LYPLAL1: variants seen among roughly 807,000 people sequenced by gnomAD.
LYPLAL1 encodes lysophospholipase like 1.
In LYPLAL1, 23 loss-of-function variants were observed where a neutral mutation model predicts 19.7. The observed-to-expected ratio is 1.17, with a 90% CI of 0.84 to 1.65. The LOEUF is 1.65. Ranked by LOEUF, LYPLAL1 falls within the 40% of genes most tolerant of loss-of-function variation. The pLI is 0.00. For synonymous variants in LYPLAL1, 119 were observed against 96.3 expected, an observed-to-expected ratio of 1.24 and a Z score of -1.38; for missense variants, 355 against 279.4, an observed-to-expected ratio of 1.27 and a Z score of -1.93.
chr1:219,369,517 CTGCCTTAGCGTCCCAGAG>C, the LYPLAL1 span, among the ~76,000 whole-genome samples: 1 of 152,216 alleles, frequency 6.6e-6, no homozygotes, highest in South Asian at 2.1e-4. Context: ...TGTAATCCGC[CTGCCTTAGCGTCCCAGAG>C]TGCTGGGATT....
chr1:219,391,644 A>AT, the LYPLAL1 span, among the ~76,000 whole-genome samples: 1 of 152,076 alleles, frequency 6.6e-6, no homozygotes, highest in African/African-American at 2.4e-5. Flanking sequence ...ATTTGAGAAG[A>AT]TTTTTTTAAG....
chr1:219,247,701 C>T, the LYPLAL1 span, among the ~76,000 whole-genome samples: 1 of 152,162 alleles, frequency 6.6e-6, no homozygotes, highest in Non-Finnish European at 1.5e-5. Flanking sequence ...TAAACAACAG[C>T]TTCAGCTTAG....
the LYPLAL1 span, among the ~76,000 whole-genome samples, chr1:219,425,768 A>T: frequency 6.6e-6 from 1 of 152,228 alleles, no homozygotes; most frequent in African/African-American, 2.4e-5. Flanking sequence ...TTCTGCTACC[A>T]TTCTGGTCAT....
At chr1:219,306,799 TGC>T in the LYPLAL1 span, among the ~76,000 whole-genome samples, 3 of 147,060 alleles carry the variant, frequency 2.0e-5, no homozygotes, top group African/African-American at 2.5e-5. Context: ...CATAGACAGA[TGC>T]ATAGATAGAT....
chr1:219,413,707 C>T, the LYPLAL1 span, among the ~76,000 whole-genome samples: 2 of 152,200 alleles, frequency 1.3e-5, no homozygotes, highest in Non-Finnish European at 2.9e-5. Flanking sequence ...ATAAAAACCA[C>T]TTATATCCAT....
At chr1:219,196,045 T>C (rs988445441) in intron 3 of LYPLAL1, among the ~76,000 whole-genome samples, 2 of 152,234 alleles carry the variant, frequency 1.3e-5, no homozygotes, top group Non-Finnish European at 2.9e-5. Context: ...TTCTATGGTG[T>C]ACATGTACCA....
chr1:219,310,262 T>C, the LYPLAL1 span, among the ~76,000 whole-genome samples: 1 of 152,190 alleles, frequency 6.6e-6, no homozygotes, highest in African/African-American at 2.4e-5. Flanking sequence ...ATTGTACCTA[T>C]TTATGGGGGT....
chr1:219,196,498 A>T (rs1311358118), intron 3 of LYPLAL1, among the ~76,000 whole-genome samples: 1 of 152,096 alleles, frequency 6.6e-6, no homozygotes, highest in Non-Finnish European at 1.5e-5. Flanking sequence ...TCTTTTGAGA[A>T]ATGTCTGAAG....
At chr1:219,194,891 A>G (rs1657483129) in intron 3 of LYPLAL1, among the ~76,000 whole-genome samples, 1 of 152,072 alleles carries the variant, frequency 6.6e-6, no homozygotes. Flanking sequence ...GTAGAAGTGG[A>G]CAGAGTAATG....
the LYPLAL1 span, among the ~76,000 whole-genome samples, chr1:219,269,279 G>A: frequency 6.6e-6 from 1 of 152,204 alleles, no homozygotes; most frequent in Non-Finnish European, 1.5e-5. Context: ...TGCTTATGTA[G>A]TATATATTTT....
At chr1:219,225,684 C>A in the LYPLAL1 span, among the ~76,000 whole-genome samples, 1 of 152,088 alleles carries the variant, frequency 6.6e-6, no homozygotes, top group African/African-American at 2.4e-5. Flanking sequence ...TCTGTTCCAC[C>A]ACCTAATAAG....
chr1:219,177,444 C>G (rs1037860053), intron 1 of LYPLAL1, among the ~76,000 whole-genome samples: 1 of 152,178 alleles, frequency 6.6e-6, no homozygotes, highest in Non-Finnish European at 1.5e-5. Context: ...TTGTCCTCCC[C>G]TCTAGCTGTC....
chr1:219,295,429 G>T, the LYPLAL1 span, among the ~76,000 whole-genome samples: 1 of 152,128 alleles, frequency 6.6e-6, no homozygotes, highest in African/African-American at 2.4e-5. Context: ...CTGAAGTCAT[G>T]AATTAGTAAA....
chr1:219,249,643 T>C, the LYPLAL1 span, among the ~76,000 whole-genome samples: 3 of 152,088 alleles, frequency 2.0e-5, no homozygotes, highest in East Asian at 3.8e-4. Flanking sequence ...TACACTCTCA[T>C]GCAAATCATA....
chr1:219,423,260 G>C, the LYPLAL1 span, among the ~76,000 whole-genome samples: 14 of 150,592 alleles, frequency 9.3e-5, no homozygotes, highest in East Asian at 2.8e-3. Context: ...CCAACTGGAA[G>C]TAATCTACTG....
the LYPLAL1 span, among the ~76,000 whole-genome samples, chr1:219,403,849 T>C: frequency 6.6e-6 from 1 of 152,322 alleles, no homozygotes; most frequent in South Asian, 2.1e-4. Flanking sequence ...AGGAACTACT[T>C]TTAATGGTCT....
the LYPLAL1 span, among the ~76,000 whole-genome samples, chr1:219,375,512 AAAAGG>A: frequency 6.6e-6 from 1 of 151,150 alleles, no homozygotes; most frequent in South Asian, 2.1e-4. Flanking sequence ...AAAAAAAAAA[AAAAGG>A]AACAAATAGA....
At chr1:219,377,415 GT>G in the LYPLAL1 span, among the ~76,000 whole-genome samples, 1 of 152,148 alleles carries the variant, frequency 6.6e-6, no homozygotes, top group Admixed American at 6.5e-5. Flanking sequence ...TTGGATGGTG[GT>G]GATGCTTGCA....
the LYPLAL1 span, among the ~76,000 whole-genome samples, chr1:219,259,604 C>T: frequency 6.6e-6 from 1 of 151,290 alleles, no homozygotes; most frequent in South Asian, 2.1e-4. Flanking sequence ...GACACAAAGG[C>T]ATAAGAATGA....
Sources: gnomAD v4.1 joint callset for allele counts (sites outside exome capture counted in the v4.1 genomes callset) on GRCh38, gnomAD v4.1.1 for gene constraint, MANE v1.5 for transcripts, NCBI Gene and HGNC (gene_info 2026-07-23, HGNC 2026-07-21) for gene names.